C5orf22: variants seen among roughly 807,000 people sequenced by gnomAD.
The protein encoded by C5orf22 is chromosome 5 open reading frame 22, also known as UPF0489 protein C5orf22.
In C5orf22, 36 loss-of-function variants were observed where a neutral mutation model predicts 48.7. The observed-to-expected ratio is 0.74, with a 90% confidence interval of 0.57 to 0.98. C5orf22 has a LOEUF of 0.98. Among genes scored for constraint, C5orf22 ranks in the 50% least tolerant of loss-of-function variants. The pLI, the probability that C5orf22 is intolerant of heterozygous loss-of-function variation, is 0.00. For synonymous variants in C5orf22, 141 were observed against 180.8 expected, an observed-to-expected ratio of 0.78 and a Z score of 1.76; for missense variants, 486 against 521.9, an observed-to-expected ratio of 0.93 and a Z score of 0.67.
Position 31,553,333 on chromosome 5 carries a change from C to T in C5orf22, c.*431C>T, listed in dbSNP as rs1473944875. On this transcript the variant is annotated 3_prime_UTR_variant, in exon 9 of 9. Transcript: ENST00000325366. ...GAACAGAATAGACAAGGCCCCTGCC[C>T]TTTTAGGGGAGACAGATGAGAAGTA... 2 of 154,718 alleles carry T rather than the reference C, an allele frequency of 1.3e-5. No individual in the cohort carries two copies. The highest frequency in any genetic ancestry group is 4.8e-5 in the African/African-American group (2 of 41,392). The allele number at this position is 154,718 out of a possible 1,614,324, so 9.6% of individuals were successfully genotyped here. A position where few individuals can be genotyped will look rare whatever the true frequency, so the allele number is the denominator to read the frequency against.
intron 7 of C5orf22, among the ~76,000 whole-genome samples, chr5:31,546,000 C>G (rs999204592): frequency 6.6e-6 from 1 of 152,056 alleles, no homozygotes; most frequent in Non-Finnish European, 1.5e-5. Context: ...CTTCACCAGA[C>G]AAAAGAAAAG....
chr5:31,551,510 T>C, intron 8 of C5orf22, 78 bp downstream of exon 8: 3 of 1,154,678 alleles, frequency 2.6e-6, no homozygotes, highest in East Asian at 2.4e-5. Flanking sequence ...TATGTTACAT[T>C]ATATGGCAAA....
chr5:31,534,544 T>C, intron 2 of C5orf22, 127 bp downstream of exon 2: 1 of 838,438 alleles, frequency 1.2e-6, no homozygotes, highest in African/African-American at 1.7e-5. Flanking sequence ...TCTTTTTGTC[T>C]TTTTCATTTT....
chr5:31,551,369 T>C lies in C5orf22; in HGVS notation c.1136T>C (p.Leu379Pro). The change falls in exon 8 of 9, where the codon CTT becomes CCT. Residue 379 changes from leucine to proline, a missense_variant. Coordinates refer to ENST00000325366, the MANE Select transcript of C5orf22 (RefSeq NM_018356.3). ...HISTEQEIEC[L>P]IQSVHYLLKN... ...AGCACAGAACAAGAAATAGAGTGTC[T>C]TATTCAATCTGTGCATTATTTGCTG... 1 of 1,613,758 alleles carries C rather than the reference T, an allele frequency of 6.2e-7. No homozygotes were observed. The highest frequency in any genetic ancestry group is 8.5e-7 in the Non-Finnish European group (1 of 1,179,896).
intron 6 of C5orf22, among the ~76,000 whole-genome samples, chr5:31,541,712 G>A (rs996250382): frequency 1.4e-4 from 21 of 152,174 alleles, no homozygotes; most frequent in African/African-American, 4.8e-4. Flanking sequence ...GTTTGAGGCT[G>A]TAGTGGGCTG....
intron 4 of C5orf22, 64 bp downstream of exon 4, chr5:31,538,753 AC>A: frequency 1.6e-6 from 2 of 1,235,130 alleles, no homozygotes; most frequent in South Asian, 1.5e-5. Flanking sequence ...TAGATGAGGA[AC>A]CAGCAAACTC....
At chr5:31,537,503 T>C in intron 3 of C5orf22, among the ~76,000 whole-genome samples, 1 of 152,344 alleles carries the variant, frequency 6.6e-6, no homozygotes, top group South Asian at 2.1e-4. Flanking sequence ...TAGCTGTGTA[T>C]GCTGGGAGAG....
In C5orf22 at chr5:31,532,473, G is replaced by T; in HGVS notation, c.81G>T (p.Glu27Asp). The change falls in exon 1 of 9, where the codon GAG becomes GAT. Residue 27 changes from glutamate (E) to aspartate (D), a missense_variant and splice_region_variant. Around this residue, in one of 3 missense-constraint regions of C5orf22, gnomAD observed 74 missense variants for 61.2 expected, o/e 1.21. Coordinates refer to ENST00000325366, the MANE Select transcript of C5orf22 (RefSeq NM_018356.3). ...TGTGGGTGGTGGAGGATCATCAGGA[G>T]GTGAGCGGACGGCAACAGGGCTCTG... The part of the protein sequence containing the change: ...LPVWVVEDHQ[E>D]VLPFIYRAIG... The T allele has an allele frequency of 3.7e-6, 6 of 1,613,054 alleles. No homozygotes were observed. Among genetic ancestry groups the T allele is most frequent in the Non-Finnish European group, 5.1e-6 (6 of 1,179,336 alleles).
chr5:31,538,777 G>A, intron 4 of C5orf22, 88 bp downstream of exon 4: 1 of 952,694 alleles, frequency 1.0e-6, no homozygotes, highest in Non-Finnish European at 1.5e-6. Context: ...TAAACAGCCA[G>A]CTAGCAATTA....
chr5:31,542,454 T>C (rs1239426772), intron 6 of C5orf22, among the ~76,000 whole-genome samples: 1 of 134,248 alleles, frequency 7.4e-6, no homozygotes, highest in Admixed American at 7.8e-5. Context: ...GGACTTTTTC[T>C]GAGACTCCGT....
Position 31,538,390 on chromosome 5 carries a change from GA to G in C5orf22, c.512del (p.Asn171ThrfsTer12). 1 of 1,614,162 alleles carries G rather than the reference GA, an allele frequency of 6.2e-7. No homozygotes were observed. The highest frequency in any genetic ancestry group is 1.3e-5 in the African/African-American group (1 of 75,046). ...KPYKLCNNQE[E>X]NDAVSSAKKP... ...TTATAAACTCTGTAACAATCAAGAA[GA>G]AAACGATGCAGTGTCTTCTGCTAAG... On this transcript the variant is annotated frameshift_variant, in exon 4 of 9. Transcript: ENST00000325366. LOFTEE classifies it high-confidence loss of function.
intron 7 of C5orf22, among the ~76,000 whole-genome samples, chr5:31,547,645 G>A (rs539488349): frequency 2.6e-5 from 4 of 152,326 alleles, no homozygotes; most frequent in Admixed American, 1.3e-4. Flanking sequence ...AGCTGCCAAG[G>A]CCATCCTCTG....
rs1743235873 is a variant in C5orf22, at chr5:31,551,194, T to G, written c.1060-99T>G. The G allele has an allele frequency of 7.0e-6, 8 of 1,144,446 alleles. No homozygotes were observed. The Admixed American group carries it at 1.8e-4, about 26-fold the overall frequency. The allele number at this position is 1,144,446 out of a possible 1,614,324, so 70.9% of individuals were successfully genotyped here. A position where few individuals can be genotyped will look rare whatever the true frequency, so the allele number is the denominator to read the frequency against. On this transcript the variant is annotated intron_variant, in intron 7 of 8. Transcript: ENST00000325366. ...TGAAAATATGCACATCTTTTATGTA[T>G]CAATAAAAGTAAAGATTTGTCAATA...
chr5:31,533,713 A>G (rs148921299), intron 1 of C5orf22, among the ~76,000 whole-genome samples: 3 of 152,268 alleles, frequency 2.0e-5, no homozygotes, highest in Non-Finnish European at 4.4e-5. Context: ...CCTGGACAGC[A>G]GAGCGAAATC....
rs368089812 is a variant in C5orf22 at position 31,541,407 on chromosome 5, G to A, written c.992+5G>A. The A allele has an allele frequency of 6.3e-5, 102 of 1,611,646 alleles. No individual in the cohort carries two copies. The highest frequency in any genetic ancestry group is 8.3e-5 in the Non-Finnish European group (98 of 1,179,012). ...GAGATGGGCTTCAAACCCTGGGTAA[G>A]ACTCTCAAACATTTTTTTCCCCCAA... On this transcript the variant is annotated splice_donor_5th_base_variant and intron_variant, in intron 6 of 8. Coordinates refer to ENST00000325366, the MANE Select transcript of C5orf22 (RefSeq NM_018356.3).
At chr5:31,542,641 T>C (rs993351414) in intron 6 of C5orf22, among the ~76,000 whole-genome samples, 2 of 152,136 alleles carry the variant, frequency 1.3e-5, no homozygotes, top group Non-Finnish European at 1.5e-5. Context: ...GAAGTTCTTT[T>C]TGAGTGAAAG....
chr5:31,540,930 T>C lies in C5orf22; in HGVS notation c.808-19T>C. 1 of 1,592,982 alleles carries C rather than the reference T, an allele frequency of 6.3e-7. No individual in the cohort carries two copies. On this transcript the variant is annotated intron_variant, in intron 4 of 8. Coordinates refer to ENST00000325366, the MANE Select transcript of C5orf22 (RefSeq NM_018356.3). ...ACTTTTTTTTTTCTGGTATGTGGAT[T>C]TTTTGTTTTGTTTTCCAGGAAGAGT...
chr5:31,532,786 G>T (rs1266445893), intron 1 of C5orf22, among the ~76,000 whole-genome samples: 1 of 151,942 alleles, frequency 6.6e-6, no homozygotes, highest in Non-Finnish European at 1.5e-5. Context: ...TTCTTAACCT[G>T]CAGTTAACTC....
chr5:31,552,193 A>G (rs1284152738), intron 8 of C5orf22, among the ~76,000 whole-genome samples: 1 of 152,200 alleles, frequency 6.6e-6, no homozygotes, highest in Non-Finnish European at 1.5e-5. Flanking sequence ...AAATACAGAT[A>G]TCTGCCCCAA....
Sources: allele counts gnomAD v4.1 joint callset (sites outside exome capture counted in the v4.1 genomes callset), GRCh38; gene constraint gnomAD v4.1.1; regional missense constraint gnomAD v4.1.1; transcripts MANE v1.5; gene names NCBI Gene and HGNC (gene_info 2026-07-23, HGNC 2026-07-21).